KHDRBS2: variants seen among roughly 807,000 people sequenced by gnomAD.
The protein encoded by KHDRBS2 is KH RNA binding domain containing, signal transduction associated 2, also known as KH domain-containing, RNA-binding, signal transduction-associated protein 2.
A neutral mutation model predicts 44.3 loss-of-function variants in KHDRBS2; 26 were observed. The observed-to-expected ratio is 0.59, with a 90% CI of 0.43 to 0.81. The LOEUF is 0.81. KHDRBS2 is among the 40% of genes least tolerant of loss of function. KHDRBS2 has a pLI of 0.00. For synonymous variants in KHDRBS2, 194 were observed against 151.1 expected (o/e 1.28, Z -2.08); for missense variants, 476 against 433.1 (o/e 1.10, Z -0.88).
intron 8 of KHDRBS2, among the ~76,000 whole-genome samples, chr6:61,689,955 T>C (rs1257789397): frequency 2.6e-5 from 4 of 152,028 alleles, no homozygotes; most frequent in Admixed American, 6.6e-5. Flanking sequence ...GATAGTTTTT[T>C]AAAATGCCTA....
intron 2 of KHDRBS2, among the ~76,000 whole-genome samples, chr6:62,057,467 A>G (rs1227490265): frequency 6.6e-6 from 1 of 151,926 alleles, no homozygotes; most frequent in African/African-American, 2.4e-5. Flanking sequence ...TTCTACTAAG[A>G]TTTTTTTCCA....
chr6:61,940,968 T>C (rs1160076151), intron 4 of KHDRBS2, among the ~76,000 whole-genome samples: 2 of 152,226 alleles, frequency 1.3e-5, no homozygotes, highest in Non-Finnish European at 2.9e-5. Flanking sequence ...CTTTCCCATT[T>C]GCAGGGAAGC....
chr6:61,863,049 C>A (rs752975089), intron 6 of KHDRBS2, among the ~76,000 whole-genome samples: 1 of 151,822 alleles, frequency 6.6e-6, no homozygotes, highest in African/African-American at 2.4e-5. Context: ...CCATTTTTTC[C>A]TAGATTTTGT....
At chr6:62,039,933 C>T (rs577009078) in intron 3 of KHDRBS2, among the ~76,000 whole-genome samples, 9 of 152,014 alleles carry the variant, frequency 5.9e-5, no homozygotes, top group Admixed American at 5.9e-4. Flanking sequence ...CCCAATTAAC[C>T]TTGAGTTTTG....
intron 2 of KHDRBS2, among the ~76,000 whole-genome samples, chr6:62,076,709 C>T (rs930839229): frequency 6.6e-6 from 1 of 151,998 alleles, no homozygotes; most frequent in Non-Finnish European, 1.5e-5. Context: ...CATGTCCTGA[C>T]ACTGACGAGA....
At chr6:61,809,030 G>T (rs1787662567) in intron 6 of KHDRBS2, among the ~76,000 whole-genome samples, 1 of 151,574 alleles carries the variant, frequency 6.6e-6, no homozygotes. Context: ...CTATAATAAT[G>T]ATTTTCTGAA....
intron 2 of KHDRBS2, among the ~76,000 whole-genome samples, chr6:62,068,969 G>A (rs903064823): frequency 6.6e-6 from 1 of 151,294 alleles, no homozygotes; most frequent in African/African-American, 2.4e-5. Context: ...GATTGTTTTG[G>A]CTATTTATAT....
chr6:62,259,642 G>GA (rs1405098416), intron 1 of KHDRBS2, among the ~76,000 whole-genome samples: 1 of 151,702 alleles, frequency 6.6e-6, no homozygotes, highest in African/African-American at 2.4e-5. Flanking sequence ...TTTCTCGATT[G>GA]AAAATAATAA....
intron 1 of KHDRBS2, among the ~76,000 whole-genome samples, chr6:62,277,467 G>A (rs1419309753): frequency 2.6e-5 from 4 of 151,800 alleles, no homozygotes; most frequent in East Asian, 1.9e-4. Flanking sequence ...TCAGCCTCCC[G>A]AGTAGCTGGG....
At chr6:62,141,325 A>G (rs1456580925) in intron 2 of KHDRBS2, among the ~76,000 whole-genome samples, 1 of 152,194 alleles carries the variant, frequency 6.6e-6, no homozygotes, top group East Asian at 1.9e-4. Context: ...CAATATGTAG[A>G]GAAAGTGATA....
At chr6:62,188,854 C>T (rs1362299080) in intron 1 of KHDRBS2, among the ~76,000 whole-genome samples, 2 of 152,170 alleles carry the variant, frequency 1.3e-5, no homozygotes, top group African/African-American at 2.4e-5. Context: ...TGGCTCACGC[C>T]TGTAATCCTA....
At chr6:61,546,992 A>G in the KHDRBS2 span, among the ~76,000 whole-genome samples, 2 of 152,096 alleles carry the variant, frequency 1.3e-5, no homozygotes, top group Non-Finnish European at 2.9e-5. Context: ...ACCTCTGGAC[A>G]GGATGCGATT....
At chr6:61,903,882 A>C (rs543084413) in intron 4 of KHDRBS2, among the ~76,000 whole-genome samples, 1 of 152,286 alleles carries the variant, frequency 6.6e-6, no homozygotes, top group African/African-American at 2.4e-5. Context: ...GCACCCAAAC[A>C]TAACAGTGAG....
rs779228427 is a variant in KHDRBS2 at position 61,955,490 on chromosome 6, G to A, written c.483+22576C>T. On this transcript the variant is annotated intron_variant, in intron 4 of 8. Coordinates refer to ENST00000281156, the MANE Select transcript of KHDRBS2 (RefSeq NM_152688.4). ...TGTATATATACACATATGTATGTAT[G>A]TATACATGTGTATATATACACATAT... 6.2e-3 allele frequency among the ~76,000 whole-genome samples: 308 copies of A among 50,008 alleles called. 64 individuals are homozygous for A. Among genetic ancestry groups the A allele is most frequent in the South Asian group, 0.014 (14 of 1,004 alleles). The allele number at this position is 50,008 out of a possible 152,430, so 32.8% of individuals were successfully genotyped here. A position where few individuals can be genotyped will look rare whatever the true frequency, so the allele number is the denominator to read the frequency against.
intron 6 of KHDRBS2, among the ~76,000 whole-genome samples, chr6:61,820,082 C>A (rs549258868): frequency 1.6e-4 from 24 of 152,122 alleles, no homozygotes; most frequent in South Asian, 2.1e-4. Context: ...GTTTCAAGAA[C>A]CTTGCTCTCA....
chr6:62,225,962 G>A (rs551083253), intron 1 of KHDRBS2, among the ~76,000 whole-genome samples: 11 of 152,138 alleles, frequency 7.2e-5, no homozygotes, highest in South Asian at 2.1e-4. Flanking sequence ...TTTGGTTCCA[G>A]GTCTTTGCTA....
intron 1 of KHDRBS2, among the ~76,000 whole-genome samples, chr6:62,199,114 G>C (rs1826338068): frequency 6.6e-6 from 1 of 152,030 alleles, no homozygotes; most frequent in East Asian, 1.9e-4. Flanking sequence ...GTCTATGACA[G>C]ACCCACAATC....
At chr6:62,272,024 C>A (rs575090856) in intron 1 of KHDRBS2, among the ~76,000 whole-genome samples, 3 of 152,136 alleles carry the variant, frequency 2.0e-5, no homozygotes, top group Admixed American at 2.0e-4. Context: ...CTTCCAGTCC[C>A]GCAAGCTCCA....
chr6:61,916,522 C>G (rs1807037232), intron 4 of KHDRBS2, among the ~76,000 whole-genome samples: 3 of 151,816 alleles, frequency 2.0e-5, no homozygotes, highest in Admixed American at 2.0e-4. Flanking sequence ...CAAACACTAA[C>G]TTAGTTAAAA....
Sources: allele counts gnomAD v4.1 joint callset (sites outside exome capture counted in the v4.1 genomes callset), GRCh38; gene constraint gnomAD v4.1.1; transcripts MANE v1.5; gene names NCBI Gene and HGNC (gene_info 2026-07-23, HGNC 2026-07-21).